The following MAOA variants were observed in gnomAD, a reference collection of about 807,000 sequenced individuals.
The protein encoded by MAOA is monoamine oxidase A.
MAOA carries 6 observed loss-of-function variants against 42.0 expected under a neutral mutation model. That is an observed-to-expected ratio of 0.14 (90% CI 0.08 to 0.28). The LOEUF (loss-of-function observed/expected upper bound fraction) is 0.28, where lower values mean the gene tolerates loss of function less well. Among genes scored for constraint, MAOA ranks in the 10% least tolerant of loss-of-function variants. The pLI, the probability that MAOA is intolerant of heterozygous loss-of-function variation, is 1.00. For missense variants in MAOA, 262 were observed against 422.3 expected, an observed-to-expected ratio of 0.62 and a Z score of 3.33; for synonymous variants, 140 against 154.0, an observed-to-expected ratio of 0.91 and a Z score of 0.67.
chrX:43,684,177 C>T (rs1381132852), intron 2 of MAOA, among the ~76,000 whole-genome samples: 1 of 111,715 alleles, frequency 9.0e-6, no homozygotes, highest in Admixed American at 9.6e-5. Context: ...CTCCTCAGGT[C>T]GCGTCTGGCT....
intron 3 of MAOA, among the ~76,000 whole-genome samples, chrX:43,709,534 C>A (rs1405456004): frequency 5.4e-5 from 6 of 111,180 alleles, no homozygotes; most frequent in Non-Finnish European, 9.4e-5. Flanking sequence ...CTCAGCCTCC[C>A]GGGCAATATT....
rs142613994 is a variant in MAOA, at chrX:43,710,222, A to G, written c.307-1650A>G. 4.0e-3 allele frequency among the ~76,000 whole-genome samples: 448 copies of G among 112,926 alleles called. 2 individuals carry two copies. The highest frequency in any genetic ancestry group is 0.014 in the African/African-American group (426 of 31,129). ...GTGTCAGGCATAGAGAAGGATCTCA[A>G]TAAATGTTAGTGATGATGGTGGTGA... On this transcript the variant is annotated intron_variant, in intron 3 of 14. Coordinates refer to ENST00000338702, the MANE Select transcript of MAOA (RefSeq NM_000240.4).
chrX:43,672,565 A>G (rs1179143671), intron 1 of MAOA, among the ~76,000 whole-genome samples: 1 of 111,643 alleles, frequency 9.0e-6, no homozygotes, highest in Non-Finnish European at 1.9e-5. Flanking sequence ...ATTCAGTATG[A>G]TATTGGCTGT....
chrX:43,708,423 C>T (rs936175852), intron 3 of MAOA, among the ~76,000 whole-genome samples: 2 of 110,807 alleles, frequency 1.8e-5, no homozygotes, highest in African/African-American at 6.6e-5. Flanking sequence ...AGAGGGTCCA[C>T]ACTGTCAGGC....
At chrX:43,681,069 G>A (rs1306872801) in intron 1 of MAOA, among the ~76,000 whole-genome samples, 1 of 110,798 alleles carries the variant, frequency 9.0e-6, no homozygotes, top group African/African-American at 3.3e-5. Flanking sequence ...CAGAATCCTA[G>A]TAGTCTCTGA....
At chrX:43,656,750 A>G (rs889707752) in intron 1 of MAOA, among the ~76,000 whole-genome samples, 1 of 111,231 alleles carries the variant, frequency 9.0e-6, no homozygotes, top group African/African-American at 3.3e-5. Context: ...CCCGTTTTGC[A>G]AAACCAAGAA....
intron 12 of MAOA, among the ~76,000 whole-genome samples, chrX:43,742,881 C>T (rs966972481): frequency 3.2e-5 from 3 of 95,128 alleles, no homozygotes; most frequent in African/African-American, 7.7e-5. Flanking sequence ...TTAACCTTTT[C>T]GTTACAGGAG....
At chrX:43,656,246 C>T (rs891763100), upstream of MAOA, 1 of 783,985 alleles carries the variant, frequency 1.3e-6, no homozygotes, top group Non-Finnish European at 1.9e-6. Flanking sequence ...ATCGGCTCCG[C>T]CCCCGGGCTC....
chrX:43,666,257 A>G (rs1009369834), intron 1 of MAOA, among the ~76,000 whole-genome samples: 3 of 112,165 alleles, frequency 2.7e-5, no homozygotes, highest in Non-Finnish European at 5.6e-5. Flanking sequence ...GCATCTCAAG[A>G]TTAATGCATC....
chrX:43,656,717 G>A (rs1444506656), intron 1 of MAOA, among the ~76,000 whole-genome samples: 1 of 111,266 alleles, frequency 9.0e-6, no homozygotes, highest in Non-Finnish European at 1.9e-5. Context: ...CAACAGTCCT[G>A]TGAGGTGGGA....
chrX:43,690,699 C>A (rs1417787088), intron 2 of MAOA, among the ~76,000 whole-genome samples: 2 of 111,538 alleles, frequency 1.8e-5, no homozygotes, highest in African/African-American at 6.5e-5. Flanking sequence ...TTTTTCATAT[C>A]ATATGGATAG....
intron 1 of MAOA, among the ~76,000 whole-genome samples, chrX:43,666,732 G>T (rs2033281903): frequency 9.0e-6 from 1 of 110,876 alleles, no homozygotes; most frequent in Admixed American, 9.6e-5. Context: ...CTAGAGTTTT[G>T]ATGTGGTCTA....
rs2033420744 is a variant in MAOA, at chrX:43,678,802, A to G, written c.74-4711A>G. ...CATTACAAAAGATTTCTGAGCTCCA[A>G]GTGTTTGCCTGTACTTTGACTTACT... On this transcript the variant is annotated intron_variant, in intron 1 of 14. Transcript: ENST00000338702. 2.7e-5 allele frequency among the ~76,000 whole-genome samples: 3 copies of G among 112,160 alleles called. No homozygotes were observed. In the Admixed American group the frequency reaches 2.8e-4, roughly 11 times the overall value.
At chrX:43,692,191 G>C (rs772643065) in intron 2 of MAOA, among the ~76,000 whole-genome samples, 15 of 110,942 alleles carry the variant, frequency 1.4e-4, no homozygotes, top group Non-Finnish European at 2.8e-4. Context: ...GCTGAGCAGT[G>C]CTTTGGACCT....
intron 2 of MAOA, among the ~76,000 whole-genome samples, chrX:43,688,175 A>G (rs780758112): frequency 3.6e-5 from 4 of 112,098 alleles, no homozygotes; most frequent in South Asian, 3.6e-4. Context: ...CTCATCTTCA[A>G]TTTTTTTCCT....
At chrX:43,737,192 T>C (rs905891521) in intron 10 of MAOA, among the ~76,000 whole-genome samples, 1 of 110,540 alleles carries the variant, frequency 9.0e-6, no homozygotes, top group African/African-American at 3.3e-5. Flanking sequence ...CTGTTCACTG[T>C]AAGTGGTAAA....
intron 10 of MAOA, 21 bp from the exon 11 acceptor site, chrX:43,740,660 T>C: frequency 8.6e-7 from 1 of 1,168,371 alleles, no homozygotes; most frequent in Non-Finnish European, 1.1e-6. Context: ...ATTTTTTTTT[T>C]TTTTTGGCTC....
intron 5 of MAOA, among the ~76,000 whole-genome samples, chrX:43,727,144 C>G (rs918345933): frequency 8.9e-6 from 1 of 112,036 alleles, no homozygotes; most frequent in Admixed American, 9.4e-5. Flanking sequence ...AGTCAGGCTA[C>G]ACGGGGGTCG....
chrX:43,738,580 G>A (rs2033938388), intron 10 of MAOA, among the ~76,000 whole-genome samples: 1 of 111,556 alleles, frequency 9.0e-6, no homozygotes, highest in Non-Finnish European at 1.9e-5. Flanking sequence ...CAACACTTTG[G>A]GAGGCTGAGG....
Sources: allele counts gnomAD v4.1 joint callset (sites outside exome capture counted in the v4.1 genomes callset), GRCh38; gene constraint gnomAD v4.1.1; transcripts MANE v1.5; gene names NCBI Gene and HGNC (gene_info 2026-07-23, HGNC 2026-07-21).